Variants in PCDH9 observed in about 807,000 individuals in gnomAD.
PCDH9 encodes protocadherin-9.
Under a neutral mutation model 70.6 loss-of-function variants are expected in PCDH9, and 24 were observed. The observed-to-expected ratio is 0.34, with a 90% CI of 0.25 to 0.48. The LOEUF is 0.48. PCDH9 is among the 20% of genes least tolerant of loss of function. The pLI is 0.99. For synonymous variants in PCDH9, 562 were observed against 558.5 expected (o/e 1.01, Z -0.09); for missense variants, 1,281 against 1,503.6 (o/e 0.85, Z 2.45).
chr13:66,350,660 A>C (rs1201151661), intron 4 of PCDH9, among the ~76,000 whole-genome samples: 1 of 152,198 alleles, frequency 6.6e-6, no homozygotes, highest in East Asian at 1.9e-4. Flanking sequence ...TTCAGTGCAC[A>C]ATCATATTCT....
chr13:66,631,754 T>C (rs1215346017), intron 3 of PCDH9, among the ~76,000 whole-genome samples: 1 of 152,226 alleles, frequency 6.6e-6, no homozygotes, highest in Admixed American at 6.5e-5. Context: ...TATGCAAATA[T>C]GCTTTTGATA....
intron 4 of PCDH9, among the ~76,000 whole-genome samples, chr13:66,403,235 G>C (rs1009816179): frequency 2.6e-5 from 4 of 151,782 alleles, no homozygotes; most frequent in African/African-American, 7.3e-5. Flanking sequence ...AACTTTACAG[G>C]CTCAAGCAAT....
chr13:66,450,568 G>C (rs914657304), intron 4 of PCDH9, among the ~76,000 whole-genome samples: 1 of 152,174 alleles, frequency 6.6e-6, no homozygotes, highest in Admixed American at 6.5e-5. Context: ...TTGAACAAGA[G>C]TTTGAACATA....
In PCDH9 at chr13:66,713,346, A is replaced by T. The variant is rs549282552; in HGVS notation, c.3139-81935T>A. Among the ~76,000 whole-genome samples, 3 of 152,060 alleles carry T rather than the reference A, an allele frequency of 2.0e-5. No homozygotes were observed. The South Asian group carries it at 6.2e-4, about 32-fold the overall frequency. ...ATTTTTAAATAAAAATATTAAAATG[A>T]TTGCTGTCTTAGGAAAATAAAATTC... On this transcript the variant is annotated intron_variant, in intron 3 of 4. Coordinates refer to ENST00000377865, the MANE Select transcript of PCDH9 (RefSeq NM_203487.3).
chr13:66,504,045 A>G (rs1329362903), intron 4 of PCDH9, among the ~76,000 whole-genome samples: 1 of 152,108 alleles, frequency 6.6e-6, no homozygotes, highest in Non-Finnish European at 1.5e-5. Context: ...GGACAGACAC[A>G]CTGACTTGAT....
chr13:66,646,529 T>A (rs560335901), intron 3 of PCDH9, among the ~76,000 whole-genome samples: 1 of 152,320 alleles, frequency 6.6e-6, no homozygotes, highest in African/African-American at 2.4e-5. Context: ...AATCAGAAAC[T>A]ATTTTTTCCT....
chr13:67,079,133 G>A (rs1170233422), intron 2 of PCDH9, among the ~76,000 whole-genome samples: 1 of 151,860 alleles, frequency 6.6e-6, no homozygotes, highest in Non-Finnish European at 1.5e-5. Flanking sequence ...CATGGTAGCA[G>A]TGTGTAATAT....
At chr13:66,837,074 A>G (rs947601625) in intron 3 of PCDH9, among the ~76,000 whole-genome samples, 3 of 152,202 alleles carry the variant, frequency 2.0e-5, no homozygotes, top group African/African-American at 7.2e-5. Flanking sequence ...TCCTTGGCAT[A>G]TGTTCTCACG....
intron 3 of PCDH9, among the ~76,000 whole-genome samples, chr13:66,852,474 GAGA>G (rs772481101): frequency 4.6e-4 from 70 of 152,190 alleles, no homozygotes; most frequent in Non-Finnish European, 8.2e-4. Flanking sequence ...AAGAGAAAAA[GAGA>G]AGGTGTGAAC....
At chr13:66,924,206 C>G (rs1040962196) in intron 2 of PCDH9, among the ~76,000 whole-genome samples, 1 of 151,774 alleles carries the variant, frequency 6.6e-6, no homozygotes, top group African/African-American at 2.4e-5. Context: ...AATCAAATCG[C>G]TGGTGTTATA....
chr13:66,445,480 C>CAT (rs199611024), intron 4 of PCDH9, among the ~76,000 whole-genome samples: 8,440 of 140,780 alleles, frequency 0.06, 796 homozygotes, highest in African/African-American at 0.2. Context: ...TATATATACA[C>CAT]ATAAAATATA....
intron 2 of PCDH9, among the ~76,000 whole-genome samples, chr13:67,023,705 C>A (rs918205925): frequency 4.6e-5 from 7 of 152,234 alleles, no homozygotes; most frequent in African/African-American, 1.7e-4. Context: ...GAGAGACTTG[C>A]AATGGCTAAC....
At chr13:67,010,738 T>C (rs1566361014) in intron 2 of PCDH9, among the ~76,000 whole-genome samples, 2 of 152,150 alleles carry the variant, frequency 1.3e-5, no homozygotes, top group Non-Finnish European at 2.9e-5. Context: ...TCAGGACATA[T>C]TTACATTACA....
intron 4 of PCDH9, among the ~76,000 whole-genome samples, chr13:66,630,979 T>C (rs2077563367): frequency 6.6e-6 from 1 of 152,196 alleles, no homozygotes; most frequent in Non-Finnish European, 1.5e-5. Context: ...ATTTATAGCA[T>C]GTTTTTTTCT....
chr13:67,084,985 AAAAAAAAAAAAAATAT>A (rs1414843950), intron 2 of PCDH9, among the ~76,000 whole-genome samples: 32 of 73,754 alleles, frequency 4.3e-4, no homozygotes, highest in African/African-American at 1.1e-3. Context: ...AAAAAAAAAA[AAAAAAAAAAAAAATAT>A]ATATATATAT....
chr13:67,224,756 A>ATTTT, intron 2 of PCDH9: 1 of 745,276 alleles, frequency 1.3e-6, no homozygotes, highest in Non-Finnish European at 1.6e-6. Context: ...TTGAAAGAGT[A>ATTTT]TTTGGCCACT....
intron 4 of PCDH9, among the ~76,000 whole-genome samples, chr13:66,481,972 A>G (rs1019849570): frequency 6.6e-6 from 1 of 151,844 alleles, no homozygotes; most frequent in Non-Finnish European, 1.5e-5. Context: ...ACACAAAATC[A>G]ATCAATCAAC....
At chr13:66,578,157 T>C (rs1021272370) in intron 4 of PCDH9, among the ~76,000 whole-genome samples, 2 of 152,094 alleles carry the variant, frequency 1.3e-5, no homozygotes, top group African/African-American at 4.8e-5. Flanking sequence ...AAGATACTTG[T>C]AAAGTAGAAA....
At chr13:67,031,991 G>C (rs907097303) in intron 2 of PCDH9, among the ~76,000 whole-genome samples, 1 of 152,146 alleles carries the variant, frequency 6.6e-6, no homozygotes, top group Non-Finnish European at 1.5e-5. Flanking sequence ...GTTCAAATAA[G>C]TCTCAATAAG....
Sources: allele counts gnomAD v4.1 joint callset (sites outside exome capture counted in the v4.1 genomes callset), GRCh38; gene constraint gnomAD v4.1.1; transcripts MANE v1.5; gene names NCBI Gene and HGNC (gene_info 2026-07-23, HGNC 2026-07-21).